The following CUTC variants were observed in gnomAD, a reference collection of about 807,000 sequenced individuals.
CUTC encodes the protein cutC copper transporter, also known as copper homeostasis protein cutC homolog.
Under a neutral mutation model 36.2 loss-of-function variants are expected in CUTC, and 27 were observed. The observed-to-expected ratio is 0.75, with a 90% CI of 0.55 to 1.03. CUTC has a LOEUF of 1.03. Ranked by LOEUF, CUTC falls within the 50% of genes least tolerant of loss-of-function variation. CUTC has a pLI of 0.00. For missense variants in CUTC, 315 were observed against 343.5 expected (o/e 0.92, Z 0.66); for synonymous variants, 114 against 118.3 (o/e 0.96, Z 0.24).
chr10:99,743,141 C>A lies in CUTC; in HGVS notation c.194-12C>A. 1.2e-6 allele frequency: 2 copies of A among 1,612,770 alleles called. No individual in the cohort carries two copies. Among genetic ancestry groups the A allele is most frequent in the South Asian group, 1.1e-5 (1 of 91,040 alleles). On this transcript the variant is annotated splice_polypyrimidine_tract_variant and intron_variant, in intron 3 of 8. Transcript: ENST00000370476. ...TCACATTTGAATTTTAATCTGCTTT[C>A]TTTTCTTGTAGGTGTCCTTCAAGTA...
Position 99,736,232 on chromosome 10 carries a change from T to G in CUTC, c.62-14T>G, listed in dbSNP as rs762622829. 6.2e-7 allele frequency: 1 copy of G among 1,611,106 alleles called. No homozygotes were observed. Among genetic ancestry groups the G allele is most frequent in the South Asian group, 1.1e-5 (1 of 91,006 alleles). On this transcript the variant is annotated splice_polypyrimidine_tract_variant and intron_variant, in intron 1 of 8. Coordinates refer to ENST00000370476, the MANE Select transcript of CUTC (RefSeq NM_015960.3). ...GAACCTTTATGAACTCTTACCATTCTCCATGTATTTTAGGAGCAGCAAATG... is the reference window on the plus strand; with the variant it reads ...GAACCTTTATGAACTCTTACCATTCGCCATGTATTTTAGGAGCAGCAAATG...
At chr10:99,749,417 T>G (rs1478595992) in intron 6 of CUTC, among the ~76,000 whole-genome samples, 6 of 152,214 alleles carry the variant, frequency 3.9e-5, no homozygotes, top group Non-Finnish European at 8.8e-5. Context: ...TATTATTAAA[T>G]CTGACATTTA....
At chr10:99,743,391 C>T (rs772501905) in intron 4 of CUTC, 29 bp downstream of exon 4, 7 of 1,574,836 alleles carry the variant, frequency 4.4e-6, no homozygotes, top group Non-Finnish European at 6.1e-6. Flanking sequence ...GACGTAAAAG[C>T]CTCTAATGAT....
At chr10:99,742,384 C>G (rs1224139843) in intron 3 of CUTC, among the ~76,000 whole-genome samples, 1 of 152,098 alleles carries the variant, frequency 6.6e-6, no homozygotes, top group Non-Finnish European at 1.5e-5. Flanking sequence ...GGAATCTTCA[C>G]ATGAAAAGAG....
intron 7 of CUTC, among the ~76,000 whole-genome samples, chr10:99,754,271 A>C (rs1230003458): frequency 6.6e-6 from 1 of 152,136 alleles, no homozygotes; most frequent in Non-Finnish European, 1.5e-5. Flanking sequence ...CAGGGATAGC[A>C]TTGTTATATT....
chr10:99,747,291 G>A lies in CUTC; in HGVS notation c.474G>A (p.Leu158=). The A allele has an allele frequency of 6.2e-7, 1 of 1,614,188 alleles. No homozygotes were observed. The highest frequency in any genetic ancestry group is 1.1e-5 in the South Asian group (1 of 91,088). Residue 158 remains leucine (L), a synonymous_variant, in exon 6 of 9, where the codon CTG becomes CTA. Coordinates refer to ENST00000370476, the MANE Select transcript of CUTC (RefSeq NM_015960.3). ...FDMVHDPMAA[L]ETLLTLGFER... ...TGGTTCATGATCCAATGGCAGCTCTGGAGACCCTCTTAACCTTGGGATTTG... is the reference window on the plus strand; with the variant it reads ...TGGTTCATGATCCAATGGCAGCTCTAGAGACCCTCTTAACCTTGGGATTTG...
At chr10:99,732,497 G>A in intron 1 of CUTC, 88 bp downstream of exon 1, 1 of 1,537,464 alleles carries the variant, frequency 6.5e-7, no homozygotes, top group Non-Finnish European at 8.8e-7. Context: ...GATTTCTTCT[G>A]GAGTCGTTTC....
chr10:99,733,853 A>T (rs954510604), intron 1 of CUTC, among the ~76,000 whole-genome samples: 1 of 152,006 alleles, frequency 6.6e-6, no homozygotes, highest in South Asian at 2.1e-4. Context: ...CTTCTGTCAT[A>T]GCCTTTTTTA....
intron 7 of CUTC, 78 bp downstream of exon 7, chr10:99,750,474 A>T (rs2133678291): frequency 2.7e-6 from 3 of 1,096,424 alleles, no homozygotes; most frequent in Non-Finnish European, 4.0e-6. Flanking sequence ...GGAAAATGTG[A>T]GAGAGAGTAT....
At chr10:99,736,655 T>C (rs2037299205) in intron 2 of CUTC, among the ~76,000 whole-genome samples, 1 of 152,234 alleles carries the variant, frequency 6.6e-6, no homozygotes, top group Non-Finnish European at 1.5e-5. Context: ...TTGAACATTA[T>C]CTATTTTTCC....
chr10:99,739,312 C>T (rs918348607), intron 2 of CUTC, among the ~76,000 whole-genome samples: 1 of 152,046 alleles, frequency 6.6e-6, no homozygotes, highest in African/African-American at 2.4e-5. Context: ...TCAAAAGTAG[C>T]TTTGTGTTTT....
chr10:99,738,067 A>C (rs2037311102), intron 2 of CUTC, among the ~76,000 whole-genome samples: 2 of 150,942 alleles, frequency 1.3e-5, no homozygotes, highest in South Asian at 2.1e-4. Context: ...AATTGCTTGA[A>C]CCTGGGAGGC....
chr10:99,755,819 C>A lies in CUTC; in HGVS notation c.*80C>A. ...GCAATTCTCTATGACACAGCTTTAACCTTCTTCTCTGGCCAGGACAGTCGC... is the reference window on the plus strand; with the variant it reads ...GCAATTCTCTATGACACAGCTTTAAACTTCTTCTCTGGCCAGGACAGTCGC... On this transcript the variant is annotated 3_prime_UTR_variant, in exon 9 of 9. Transcript: ENST00000370476. 1.1e-6 allele frequency: 1 copy of A among 908,908 alleles called. No individual in the cohort carries two copies. Among genetic ancestry groups the A allele is most frequent in the Non-Finnish European group, 1.8e-6 (1 of 565,204 alleles). The allele number at this position is 908,908 out of a possible 1,614,324, so 56.3% of individuals were successfully genotyped here.
intron 1 of CUTC, 161 bp downstream of exon 1, chr10:99,732,570 C>T: frequency 1.4e-6 from 2 of 1,439,784 alleles, no homozygotes; most frequent in Non-Finnish European, 1.8e-6. Flanking sequence ...GGTGTGGAAA[C>T]GGAGGGCGTG....
chr10:99,751,823 A>C (rs1279080011), intron 7 of CUTC, among the ~76,000 whole-genome samples: 2 of 152,204 alleles, frequency 1.3e-5, no homozygotes, highest in African/African-American at 4.8e-5. Flanking sequence ...GCACCACTGC[A>C]CTCCAGCCTG....
At chr10:99,735,101 C>CAAAAAAA (rs56971127) in intron 1 of CUTC, among the ~76,000 whole-genome samples, 5 of 68,766 alleles carry the variant, frequency 7.3e-5, no homozygotes, top group East Asian at 4.8e-4. Flanking sequence ...GACTCTGTAT[C>CAAAAAAA]AAAAAAAAAA....
At chr10:99,753,696 C>T (rs975221132) in intron 7 of CUTC, among the ~76,000 whole-genome samples, 3 of 152,152 alleles carry the variant, frequency 2.0e-5, no homozygotes, top group Non-Finnish European at 2.9e-5. Flanking sequence ...CAGGTGGGAG[C>T]CACCACACTC....
chr10:99,747,189 A>G (rs1385708105), intron 5 of CUTC, 68 bp from the exon 6 acceptor site: 5 of 1,564,550 alleles, frequency 3.2e-6, no homozygotes, highest in Non-Finnish European at 4.4e-6. Flanking sequence ...CTGCATGTAT[A>G]CTACATTTTG....
chr10:99,752,636 A>T (rs941171808), intron 7 of CUTC, among the ~76,000 whole-genome samples: 1 of 152,180 alleles, frequency 6.6e-6, no homozygotes, highest in South Asian at 2.1e-4. Context: ...TTAATATGCA[A>T]TTGTTATCAG....
Sources: gnomAD v4.1 joint callset for allele counts (sites outside exome capture counted in the v4.1 genomes callset) on GRCh38, gnomAD v4.1.1 for gene constraint, MANE v1.5 for transcripts, NCBI Gene and HGNC (gene_info 2026-07-23, HGNC 2026-07-21) for gene names.